The following TMC2 variants were observed in gnomAD, a reference collection of about 807,000 sequenced individuals.
TMC2 encodes transmembrane channel-like protein 2.
TMC2 carries 102 observed loss-of-function variants against 105.9 expected under a neutral mutation model. The ratio of observed to expected loss-of-function variants is 0.96; its 90% confidence interval spans 0.82 to 1.14. TMC2 has a LOEUF of 1.14. Ranked by LOEUF, TMC2 falls within the 50% of genes most tolerant of loss-of-function variation. The pLI is 0.00. For missense variants in TMC2, 1,093 were observed against 1,134.3 expected, an observed-to-expected ratio of 0.96 and a Z score of 0.52; for synonymous variants, 402 against 422.8, an observed-to-expected ratio of 0.95 and a Z score of 0.60.
intron 16 of TMC2, among the ~76,000 whole-genome samples, chr20:2,623,999 A>G (rs1211288688): frequency 6.6e-6 from 1 of 152,258 alleles, no homozygotes; most frequent in Non-Finnish European, 1.5e-5. Context: ...GGAAGGTGTC[A>G]GACACAAAAG....
At chr20:2,550,715 TGC>T (rs2085951705) in intron 2 of TMC2, among the ~76,000 whole-genome samples, 2 of 152,240 alleles carry the variant, frequency 1.3e-5, no homozygotes, top group Non-Finnish European at 2.9e-5. Flanking sequence ...TTCTCCAGAA[TGC>T]TGTATAGTTA....
intron 10 of TMC2, among the ~76,000 whole-genome samples, chr20:2,598,355 A>G (rs1442597936): frequency 6.6e-6 from 1 of 152,048 alleles, no homozygotes; most frequent in Admixed American, 6.6e-5. Flanking sequence ...CGTGTGTAGG[A>G]TTCTGACTGA....
intron 17 of TMC2, among the ~76,000 whole-genome samples, chr20:2,635,059 G>A (rs914673884): frequency 2.0e-5 from 3 of 152,180 alleles, no homozygotes; most frequent in Middle Eastern, 3.2e-3. Context: ...TAATAAGGAT[G>A]GACATAAAAA....
intron 8 of TMC2, among the ~76,000 whole-genome samples, chr20:2,594,010 G>A (rs963728800): frequency 6.6e-6 from 1 of 152,070 alleles, no homozygotes; most frequent in Non-Finnish European, 1.5e-5. Flanking sequence ...CCCTCTGCCT[G>A]CAGCACTCTT....
At chr20:2,602,563 C>A (rs1468479951) in intron 11 of TMC2, among the ~76,000 whole-genome samples, 1 of 152,188 alleles carries the variant, frequency 6.6e-6, no homozygotes, top group Admixed American at 6.5e-5. Context: ...ACTAACGAGG[C>A]GATCCTTTCC....
chr20:2,599,540 T>TTTTA, intron 10 of TMC2, among the ~76,000 whole-genome samples: 1 of 50,476 alleles, frequency 2.0e-5, no homozygotes, highest in African/African-American at 6.0e-5. Flanking sequence ...TTTAATTACA[T>TTTTA]TTTTTTTTTT....
chr20:2,549,569 C>T (rs2085945025), intron 2 of TMC2, among the ~76,000 whole-genome samples: 1 of 151,960 alleles, frequency 6.6e-6, no homozygotes, highest in African/African-American at 2.4e-5. Flanking sequence ...ACGGTGAAAC[C>T]CTGTCTCTAC....
chr20:2,565,674 G>A (rs2086059126), intron 4 of TMC2, among the ~76,000 whole-genome samples: 1 of 152,192 alleles, frequency 6.6e-6, no homozygotes, highest in Non-Finnish European at 1.5e-5. Context: ...AGAAATAGTA[G>A]TGTGGGGGCC....
chr20:2,596,063 C>T (rs772736834), intron 9 of TMC2, among the ~76,000 whole-genome samples: 4 of 152,118 alleles, frequency 2.6e-5, no homozygotes, highest in African/African-American at 9.7e-5. Context: ...GCAAAGTTTT[C>T]GTGACAAACC....
rs1362173142 is a variant in TMC2 at position 2,616,595 on chromosome 20, A to T, written c.1940+391A>T. On this transcript the variant is annotated intron_variant, in intron 15 of 19. Transcript: ENST00000358864. The surrounding 1 kb of genome is among the most constrained non-coding windows in gnomAD (Gnocchi z 4.8). ...AGGAGGGAGGGAGAAAAGAAGGAAG[A>T]GAAGGTGGAAGGTAAATGAACTATG... Among the ~76,000 whole-genome samples, 2 of 152,088 alleles carry T rather than the reference A, an allele frequency of 1.3e-5. No homozygotes were observed. The highest frequency in any genetic ancestry group is 4.8e-5 in the African/African-American group (2 of 41,416).
At chr20:2,539,610 T>A (rs1043414912) in intron 2 of TMC2, among the ~76,000 whole-genome samples, 2 of 152,184 alleles carry the variant, frequency 1.3e-5, no homozygotes, top group Non-Finnish European at 2.9e-5. Flanking sequence ...CTTGCCTTGA[T>A]CTCTGCTTCT....
At chr20:2,636,459 TACACACACACAC>T (rs3051763) in intron 18 of TMC2, among the ~76,000 whole-genome samples, 17 of 143,418 alleles carry the variant, frequency 1.2e-4, no homozygotes, top group East Asian at 2.1e-4. Flanking sequence ...GACTGCTGTC[TACACACACACAC>T]ACACACACAC....
chr20:2,610,339 G>A, intron 11 of TMC2, 80 bp from the exon 12 acceptor site: 1 of 1,319,196 alleles, frequency 7.6e-7, no homozygotes, highest in Admixed American at 2.0e-5. Context: ...AAGTGGAGAT[G>A]GATGGCCATG....
Position 2,643,290 on chromosome 20 carries a change from C to T in TMC2, c.*1939C>T, listed in dbSNP as rs2086700626. ...GCACTGTAACCCAACCAATCAGGAC[C>T]AGAAGGCCCAAAGATGGCCACCACA... On this transcript the variant is annotated 3_prime_UTR_variant, in exon 20 of 20. Coordinates refer to ENST00000358864, the MANE Select transcript of TMC2 (RefSeq NM_080751.3). 6.6e-6 allele frequency among the ~76,000 whole-genome samples: 1 copy of T among 152,262 alleles called. No homozygotes were observed. Among genetic ancestry groups the T allele is most frequent in the Non-Finnish European group, 1.5e-5 (1 of 68,030 alleles).
intron 7 of TMC2, among the ~76,000 whole-genome samples, chr20:2,590,484 A>G (rs975636553): frequency 6.6e-6 from 1 of 152,084 alleles, no homozygotes; most frequent in African/African-American, 2.4e-5. Flanking sequence ...TAAATTTAAA[A>G]CAAAGAAACA....
chr20:2,603,696 G>C (rs2086368223), intron 11 of TMC2, among the ~76,000 whole-genome samples: 1 of 152,208 alleles, frequency 6.6e-6, no homozygotes, highest in Non-Finnish European at 1.5e-5. Flanking sequence ...TGAAAACACA[G>C]TGAGAGACCC....
chr20:2,635,725 T>C (rs1394288226), intron 17 of TMC2, among the ~76,000 whole-genome samples: 1 of 152,158 alleles, frequency 6.6e-6, no homozygotes, highest in Non-Finnish European at 1.5e-5. Context: ...AGCTATGTAG[T>C]TATGCCCACG....
intron 16 of TMC2, among the ~76,000 whole-genome samples, chr20:2,620,579 A>G (rs1258206882): frequency 1.3e-5 from 2 of 152,214 alleles, no homozygotes; most frequent in African/African-American, 4.8e-5. Context: ...TTTTGACAAT[A>G]TTATATCAGC....
Position 2,643,423 on chromosome 20 carries a change from C to T in TMC2, c.*2072C>T, listed in dbSNP as rs1030316135. Among the ~76,000 whole-genome samples, 1 of 152,214 alleles carries T rather than the reference C, an allele frequency of 6.6e-6. No individual in the cohort carries two copies. Among genetic ancestry groups the T allele is most frequent in the Admixed American group, 6.5e-5 (1 of 15,282 alleles). ...ATTACTGTCAGGCCTCCACTGGTTA[C>T]TAATACACATAAATACCCACCACAA... On this transcript the variant is annotated 3_prime_UTR_variant, in exon 20 of 20. Transcript: ENST00000358864.
Sources: gnomAD v4.1 joint callset for allele counts (sites outside exome capture counted in the v4.1 genomes callset) on GRCh38, gnomAD v4.1.1 for gene constraint, Gnocchi (gnomAD v3.1) non-coding constraint, MANE v1.5 for transcripts, NCBI Gene and HGNC (gene_info 2026-07-23, HGNC 2026-07-21) for gene names.